Variants in RPS6KC1 observed in about 807,000 individuals in gnomAD.
RPS6KC1 encodes the protein ribosomal protein S6 kinase C1, also known as inactive ribosomal protein S6 kinase delta-1.
RPS6KC1 carries 54 observed loss-of-function variants against 103.8 expected under a neutral mutation model. That is an observed-to-expected ratio of 0.52 (90% CI 0.42 to 0.65). The LOEUF is 0.65. RPS6KC1 is among the 30% of genes least tolerant of loss of function. RPS6KC1 has a pLI of 0.00. For missense variants in RPS6KC1, 1,151 were observed against 1,253.8 expected, an observed-to-expected ratio of 0.92 and a Z score of 1.24; for synonymous variants, 439 against 438.7, an observed-to-expected ratio of 1.00 and a Z score of -0.01.
chr1:213,763,844 C>T, the RPS6KC1 span, among the ~76,000 whole-genome samples: 6 of 152,232 alleles, frequency 3.9e-5, no homozygotes, highest in Non-Finnish European at 8.8e-5. Context: ...AGCCTTCACT[C>T]TGAATTCCCA....
the RPS6KC1 span, among the ~76,000 whole-genome samples, chr1:213,573,668 GT>G: frequency 6.6e-6 from 1 of 152,222 alleles, no homozygotes; most frequent in Admixed American, 6.5e-5. Flanking sequence ...CCAGTTACTG[GT>G]TGTTGAAACC....
intron 12 of RPS6KC1, among the ~76,000 whole-genome samples, chr1:213,259,452 A>G (rs1025156982): frequency 6.6e-6 from 1 of 152,132 alleles, no homozygotes; most frequent in African/African-American, 2.4e-5. Flanking sequence ...AGTCCCAGCT[A>G]CTTGGGAGGC....
the RPS6KC1 span, among the ~76,000 whole-genome samples, chr1:213,637,437 G>T: frequency 1.8e-4 from 27 of 151,514 alleles, no homozygotes; most frequent in East Asian, 3.7e-3. Flanking sequence ...GCAGGGGGAG[G>T]GATCGCATTG....
intron 6 of RPS6KC1, among the ~76,000 whole-genome samples, chr1:213,147,489 G>A (rs1456276018): frequency 3.3e-5 from 5 of 152,044 alleles, no homozygotes; most frequent in Admixed American, 6.6e-5. Flanking sequence ...CACCTTTGTC[G>A]AAAATGAGTT....
chr1:213,466,283 G>GA, the RPS6KC1 span, among the ~76,000 whole-genome samples: 7 of 151,842 alleles, frequency 4.6e-5, no homozygotes, highest in African/African-American at 1.2e-4. Context: ...AATATTTATT[G>GA]AAAAAAAATT....
the RPS6KC1 span, chr1:213,836,199 A>T: frequency 3.3e-5 from 5 of 152,194 alleles, no homozygotes; most frequent in Non-Finnish European, 7.4e-5. Flanking sequence ...GGGACACAGA[A>T]CAAGACCAGA....
the RPS6KC1 span, among the ~76,000 whole-genome samples, chr1:213,839,395 T>C: frequency 6.6e-6 from 1 of 152,168 alleles, no homozygotes; most frequent in African/African-American, 2.4e-5. Context: ...GACCAAACAC[T>C]CCGATGAGTT....
At chr1:213,133,857 C>G (rs2085948234) in intron 6 of RPS6KC1, among the ~76,000 whole-genome samples, 1 of 152,162 alleles carries the variant, frequency 6.6e-6, no homozygotes, top group African/African-American at 2.4e-5. Context: ...TTGTGCTATG[C>G]TACTTCTCAC....
At position 213,274,563 on chromosome 1, in the gene RPS6KC1, T is replaced by G. The variant is rs2095103621; in HGVS notation, c.*1929T>G. On this transcript the variant is annotated 3_prime_UTR_variant, in exon 15 of 15. Transcript: ENST00000366960. Reference sequence around the variant, plus strand: ...CTAATGTAAATACATCATTCATAATTAGAATGGACATTAATTATTTTAGTA... The same window carrying G: ...CTAATGTAAATACATCATTCATAATGAGAATGGACATTAATTATTTTAGTA... 1 of 152,194 alleles carries G rather than the reference T, an allele frequency of 6.6e-6. No homozygotes were observed. The highest frequency in any genetic ancestry group is 2.1e-4 in the South Asian group (1 of 4,834). 9.4% of individuals were successfully genotyped at this position (152,194 alleles called of 1,614,324 possible).
the RPS6KC1 span, among the ~76,000 whole-genome samples, chr1:213,486,177 A>G: frequency 6.6e-6 from 1 of 152,238 alleles, no homozygotes; most frequent in African/African-American, 2.4e-5. Context: ...GGTAAAATAC[A>G]TATATACACA....
At chr1:213,103,347 C>T (rs2082178326) in intron 3 of RPS6KC1, among the ~76,000 whole-genome samples, 1 of 152,126 alleles carries the variant, frequency 6.6e-6, no homozygotes. Flanking sequence ...CTTGAAGATT[C>T]AAAGAACCAT....
At chr1:213,790,126 A>G in the RPS6KC1 span, among the ~76,000 whole-genome samples, 9 of 152,190 alleles carry the variant, frequency 5.9e-5, no homozygotes, top group Non-Finnish European at 8.8e-5. Flanking sequence ...CCAGCATTCC[A>G]AAGTCACCAC....
chr1:213,113,673 TA>T (rs1397207826), intron 4 of RPS6KC1, among the ~76,000 whole-genome samples: 7 of 150,730 alleles, frequency 4.6e-5, no homozygotes, highest in Non-Finnish European at 5.9e-5. Context: ...GGTTTTCTTC[TA>T]GGGTTTTGAT....
At chr1:213,601,921 C>G in the RPS6KC1 span, among the ~76,000 whole-genome samples, 1 of 142,628 alleles carries the variant, frequency 7.0e-6, no homozygotes, top group Non-Finnish European at 1.5e-5. Flanking sequence ...CCTTCCCTCC[C>G]TCCCTCCCTT....
intron 5 of RPS6KC1, among the ~76,000 whole-genome samples, chr1:213,118,905 G>A (rs1030576923): frequency 7.2e-5 from 11 of 151,846 alleles, no homozygotes; most frequent in African/African-American, 2.2e-4. Context: ...TGTCGGGGGC[G>A]GTGGTGGTAA....
At chr1:213,745,078 A>G in the RPS6KC1 span, among the ~76,000 whole-genome samples, 1 of 152,244 alleles carries the variant, frequency 6.6e-6, no homozygotes, top group Non-Finnish European at 1.5e-5. Context: ...TTTTCAGCTA[A>G]TAAGATCCTC....
chr1:213,592,548 C>A, the RPS6KC1 span, among the ~76,000 whole-genome samples: 1 of 152,166 alleles, frequency 6.6e-6, no homozygotes, highest in African/African-American at 2.4e-5. Context: ...CCACAGGACC[C>A]ACCCTTCTCC....
At chr1:213,649,691 G>A in the RPS6KC1 span, among the ~76,000 whole-genome samples, 1 of 151,774 alleles carries the variant, frequency 6.6e-6, no homozygotes, top group Non-Finnish European at 1.5e-5. Context: ...ACGTTGTTGT[G>A]CTTTTCTCCA....
downstream of RPS6KC1, among the ~76,000 whole-genome samples, chr1:213,278,308 G>C (rs2095116146): frequency 6.6e-6 from 1 of 151,978 alleles, no homozygotes; most frequent in Admixed American, 6.5e-5. Context: ...GGGGACTGTA[G>C]AAGAATTGGA....
Sources: gnomAD v4.1 joint callset for allele counts (sites outside exome capture counted in the v4.1 genomes callset) on GRCh38, gnomAD v4.1.1 for gene constraint, MANE v1.5 for transcripts, NCBI Gene and HGNC (gene_info 2026-07-23, HGNC 2026-07-21) for gene names.